Variants in LTAP1 observed in about 807,000 individuals in gnomAD.
LTAP1 encodes the protein HCV NS5A-transactivated protein 4.
At chr1:154,211,195 A>G in the LTAP1 span, among the ~76,000 whole-genome samples, 29 of 147,436 alleles carry the variant, frequency 2.0e-4, no homozygotes, top group African/African-American at 7.2e-4. Context: ...AGTAAAGACG[A>G]GGTTTCACCA....
At chr1:154,212,161 C>G in the LTAP1 span, 1 of 835,744 alleles carries the variant, frequency 1.2e-6, no homozygotes, top group African/African-American at 1.7e-5. Flanking sequence ...CCGGCCGCAT[C>G]TGCTTTCTAA....
the LTAP1 span, among the ~76,000 whole-genome samples, chr1:154,214,792 T>C: frequency 6.6e-6 from 1 of 152,124 alleles, no homozygotes; most frequent in Non-Finnish European, 1.5e-5. Flanking sequence ...AGCTAGAACA[T>C]TTAACTTGTG....
At chr1:154,214,277 A>C in the LTAP1 span, among the ~76,000 whole-genome samples, 1 of 152,194 alleles carries the variant, frequency 6.6e-6, no homozygotes, top group African/African-American at 2.4e-5. Flanking sequence ...ACTCCATCTC[A>C]AAAAAGAAAA....
At chr1:154,212,334 A>G in the LTAP1 span, 2 of 1,614,076 alleles carry the variant, frequency 1.2e-6, no homozygotes, top group South Asian at 2.2e-5. Flanking sequence ...TGGCCAGCTC[A>G]CTCAGGGCCT....
the LTAP1 span, chr1:154,207,562 G>T: frequency 1.9e-6 from 3 of 1,614,150 alleles, no homozygotes; most frequent in South Asian, 3.3e-5. Context: ...CACCTGGATG[G>T]TTGTTGGGGA....
At chr1:154,212,546 C>T in the LTAP1 span, 57 of 1,614,068 alleles carry the variant, frequency 3.5e-5, no homozygotes, top group Non-Finnish European at 4.2e-5. Context: ...ACTAGTGTTT[C>T]GCAGATCCAG....
chr1:154,207,742 A>G, the LTAP1 span: 4 of 1,051,598 alleles, frequency 3.8e-6, no homozygotes, highest in Non-Finnish European at 4.2e-6. Flanking sequence ...ATAGTCACAA[A>G]TAGTTATTTG....
At chr1:154,217,134 A>C in the LTAP1 span, among the ~76,000 whole-genome samples, 1 of 151,194 alleles carries the variant, frequency 6.6e-6, no homozygotes, top group Non-Finnish European at 1.5e-5. Flanking sequence ...TTTTTAGTAC[A>C]GTCGGGGTTT....
the LTAP1 span, chr1:154,214,610 C>T: frequency 7.4e-7 from 1 of 1,358,572 alleles, no homozygotes; most frequent in South Asian, 1.2e-5. Flanking sequence ...AATCATTTAC[C>T]CTGCACTCTG....
chr1:154,210,838 T>G, the LTAP1 span, among the ~76,000 whole-genome samples: 1 of 151,972 alleles, frequency 6.6e-6, no homozygotes, highest in African/African-American at 2.4e-5. Flanking sequence ...AACATTTGCA[T>G]GAAAATACGA....
At chr1:154,217,418 C>G in the LTAP1 span, among the ~76,000 whole-genome samples, 1 of 152,186 alleles carries the variant, frequency 6.6e-6, no homozygotes, top group East Asian at 1.9e-4. Context: ...CCAGCCCAGG[C>G]AACATGATGT....
At chr1:154,212,490 C>G in the LTAP1 span, 1 of 1,614,138 alleles carries the variant, frequency 6.2e-7, no homozygotes, top group Non-Finnish European at 8.5e-7. Context: ...TCATAGCCAT[C>G]CAAAAGGGTA....
the LTAP1 span, chr1:154,213,941 A>G: frequency 6.2e-7 from 1 of 1,612,612 alleles, no homozygotes; most frequent in South Asian, 1.1e-5. Context: ...AGATAGTTGT[A>G]GCAACCTGTT....
the LTAP1 span, among the ~76,000 whole-genome samples, chr1:154,218,905 A>T: frequency 6.6e-6 from 1 of 152,232 alleles, no homozygotes; most frequent in Non-Finnish European, 1.5e-5. Flanking sequence ...CTACTTTAAA[A>T]TAGGTAATAA....
the LTAP1 span, among the ~76,000 whole-genome samples, chr1:154,218,369 C>T: frequency 6.6e-6 from 1 of 152,138 alleles, no homozygotes; most frequent in Admixed American, 6.5e-5. Context: ...AGGAATATTG[C>T]TCTGAACTAG....
chr1:154,211,519 TAG>T, the LTAP1 span, among the ~76,000 whole-genome samples: 2 of 150,954 alleles, frequency 1.3e-5, no homozygotes, highest in Non-Finnish European at 2.9e-5. Context: ...GTATTTTTAG[TAG>T]AGACAGGGTT....
At chr1:154,207,431 CG>C in the LTAP1 span, 36 of 1,611,980 alleles carry the variant, frequency 2.2e-5, 1 homozygote, top group Admixed American at 4.5e-4. Context: ...GCTTAATCTA[CG>C]GCAAGAGTCC....
chr1:154,216,788 A>T, the LTAP1 span, among the ~76,000 whole-genome samples: 2 of 151,858 alleles, frequency 1.3e-5, no homozygotes, highest in Admixed American at 1.3e-4. Context: ...TGCTGGGATT[A>T]CAGGCGTGAA....
chr1:154,206,996 T>C, the LTAP1 span: 5 of 158,848 alleles, frequency 3.1e-5, no homozygotes, highest in African/African-American at 1.2e-4. Flanking sequence ...CACCAGTTCC[T>C]GTCTGCTTTT....
Sources: allele counts gnomAD v4.1 joint callset (sites outside exome capture counted in the v4.1 genomes callset), GRCh38; gene constraint gnomAD v4.1.1; transcripts MANE v1.5; gene names NCBI Gene and HGNC (gene_info 2026-07-23, HGNC 2026-07-21).